The following ITGB2 variants were observed in gnomAD, a reference collection of about 807,000 sequenced individuals.
ITGB2 encodes integrin subunit beta 2.
ITGB2 carries 56 observed loss-of-function variants against 86.8 expected under a neutral mutation model. The ratio of observed to expected loss-of-function variants is 0.65; its 90% CI spans 0.52 to 0.81. The LOEUF is 0.81. ITGB2 is among the 30% of genes least tolerant of loss of function. The probability of loss-of-function intolerance (pLI) is 0.00; values close to 1 mark genes in which losing one functional copy is unlikely to be tolerated. For missense variants in ITGB2, 948 were observed against 1,061.2 expected (o/e 0.89, Z 1.48); for synonymous variants, 457 against 450.4 (o/e 1.01, Z -0.19).
chr21:44,925,804 C>T (rs1007252361), upstream of ITGB2, among the ~76,000 whole-genome samples: 2 of 152,140 alleles, frequency 1.3e-5, no homozygotes, highest in South Asian at 2.1e-4. Flanking sequence ...AGAGGCCGGG[C>T]GCGGGGGCTC....
At chr21:44,894,912 G>T in intron 9 of ITGB2, 59 bp downstream of exon 9, 1 of 1,153,598 alleles carries the variant, frequency 8.7e-7, no homozygotes, top group Non-Finnish European at 1.3e-6. Context: ...GAGCTGACCT[G>T]CAGTGGGGAG....
At chr21:44,907,999 G>T (rs1412115913) in intron 3 of ITGB2, 9 of 713,374 alleles carry the variant, frequency 1.3e-5, no homozygotes, top group Non-Finnish European at 2.4e-5. Context: ...TCACTGAAAG[G>T]TGTTTATTTC....
Position 44,886,809 on chromosome 21 carries a change from G to T in ITGB2, c.2174C>A (p.Ala725Asp), listed in dbSNP as rs2083705533. Residue 725 changes from alanine to aspartate, a missense_variant, in exon 15 of 16, where the codon GCT becomes GAT. Physicochemically the swap from Ala to Asp is moderately radical, Grantham distance 126. Coordinates refer to ENST00000652462, the MANE Select transcript of ITGB2 (RefSeq NM_000211.5). ...IGILLLVIWK[A>D]LIHLSDLREY... The stretch of plus-strand genomic sequence containing the variant: ...CCGGAGGTCGCTCAGGTGGATCAGA[G>T]CCTTCCAGATGACCAGCAGGAGAAT... 6.2e-7 allele frequency: 1 copy of T among 1,613,948 alleles called. No homozygotes were observed. Among genetic ancestry groups the T allele is most frequent in the Non-Finnish European group, 8.5e-7 (1 of 1,180,012 alleles).
chr21:44,924,760 C>T (rs565783594), upstream of ITGB2, among the ~76,000 whole-genome samples: 13 of 152,282 alleles, frequency 8.5e-5, no homozygotes, highest in East Asian at 3.9e-4. Context: ...GCCACACTCA[C>T]GCTACGGGGT....
At position 44,895,048 on chromosome 21, in the gene ITGB2, T is replaced by A; in HGVS notation, c.1006A>T (p.Ile336Phe). The A allele has an allele frequency of 1.2e-6, 2 of 1,613,304 alleles. No homozygotes were observed. Among genetic ancestry groups the A allele is most frequent in the Non-Finnish European group, 1.7e-6 (2 of 1,179,592 alleles). The change falls in exon 9 of 16, where the codon ATC (isoleucine) becomes TTC (phenylalanine). Residue 336 changes from isoleucine (I) to phenylalanine (F), a missense_variant. Coordinates refer to ENST00000652462, the MANE Select transcript of ITGB2 (RefSeq NM_000211.5). ...TCCCCCACGGCTGACTTGGGGATGA[T>A]CTCGGTGAGTTTCTGTTGGGCAAGA... ...MVKTYEKLTE[I>F]IPKSAVGELS...
In ITGB2 at chr21:44,889,466, G is replaced by C. The variant is rs777922680; in HGVS notation, c.1687C>G (p.Arg563Gly). 3.2e-6 allele frequency: 5 copies of C among 1,585,794 alleles called. No homozygotes were observed. The highest frequency in any genetic ancestry group is 1.7e-4 in the Middle Eastern group (1 of 6,002). The change falls in exon 13 of 16, where the codon CGC becomes GGC. Residue 563 changes from arginine (R) to glycine (G), a missense_variant. Arg to Gly is a moderately radical substitution (Grantham distance 125). Transcript: ENST00000652462. ...GAGCCCTCAAAGCCCGGGTGGCAGC[G>C]GCACTTCCCGCAGAAGCAGAGCCCC... ...GRGLCFCGKC[R>G]CHPGFEGSAC... is the part of the protein sequence containing the mutation.
At chr21:44,906,112 G>A (rs539946554) in intron 4 of ITGB2, among the ~76,000 whole-genome samples, 9 of 151,158 alleles carry the variant, frequency 6.0e-5, no homozygotes, top group African/African-American at 2.2e-4. Context: ...CCTGGAGCAA[G>A]GAGGGAGCTT....
intron 3 of ITGB2, among the ~76,000 whole-genome samples, chr21:44,907,732 G>T (rs958698650): frequency 6.6e-6 from 1 of 152,218 alleles, no homozygotes; most frequent in African/African-American, 2.4e-5. Flanking sequence ...GGCCAGAAGC[G>T]CGTGTTTGTG....
At chr21:44,909,138 T>C (rs893440529) in intron 3 of ITGB2, among the ~76,000 whole-genome samples, 2 of 152,126 alleles carry the variant, frequency 1.3e-5, no homozygotes, top group African/African-American at 4.8e-5. Flanking sequence ...GCGGGTGCGA[T>C]TTGATGAGGG....
intron 8 of ITGB2, among the ~76,000 whole-genome samples, chr21:44,896,572 G>T (rs1452890764): frequency 6.7e-6 from 1 of 149,662 alleles, no homozygotes; most frequent in African/African-American, 2.4e-5. Context: ...TCCTGGGGCC[G>T]GTCACAGCCT....
chr21:44,920,959 C>A (rs1468511198), upstream of ITGB2: 1 of 152,396 alleles, frequency 6.6e-6, no homozygotes, highest in Non-Finnish European at 1.5e-5. Context: ...CCTCTCAGCT[C>A]CTCCTTGGAG....
rs1265749759 is a variant in ITGB2 at position 44,895,023 on chromosome 21, TC to T, written c.1030del (p.Glu344SerfsTer35). 1 of 1,612,490 alleles carries T rather than the reference TC, an allele frequency of 6.2e-7. No individual in the cohort carries two copies. The highest frequency in any genetic ancestry group is 8.5e-7 in the Non-Finnish European group (1 of 1,179,542). On this transcript the variant is annotated frameshift_variant, in exon 9 of 16. Coordinates refer to ENST00000652462, the MANE Select transcript of ITGB2 (RefSeq NM_000211.5). LOFTEE classifies it high-confidence loss of function. ...TEIIPKSAVG[E>X]LSEDSSNVVH... ...CACATTGCTGGAGTCCTCAGACAGCTCCCCCACGGCTGACTTGGGGATGATC... is the reference window on the plus strand; with the variant it reads ...CACATTGCTGGAGTCCTCAGACAGCTCCCCACGGCTGACTTGGGGATGATC...
chr21:44,895,158 G>T, intron 8 of ITGB2, 98 bp from the exon 9 acceptor site: 1 of 871,486 alleles, frequency 1.1e-6, no homozygotes, highest in Non-Finnish European at 1.9e-6. Context: ...CCTGCAAAAT[G>T]GCTGGGACGG....
chr21:44,902,808 T>TTGTG (rs34031498), intron 5 of ITGB2, among the ~76,000 whole-genome samples: 5,173 of 151,992 alleles, frequency 0.034, 145 homozygotes, highest in African/African-American at 0.081. Context: ...ATGCATTTGC[T>TTGTG]TGTGTGTGTG....
intron 9 of ITGB2, 31 bp from the exon 10 acceptor site, chr21:44,893,575 C>A: frequency 1.2e-6 from 2 of 1,612,330 alleles, no homozygotes; most frequent in Non-Finnish European, 1.7e-6. Flanking sequence ...CTCTTGGGGG[C>A]GAGTGTTTCT....
intron 1 of ITGB2, among the ~76,000 whole-genome samples, chr21:44,920,239 C>T (rs6518205): frequency 0.23 from 34,454 of 151,868 alleles, 4,060 homozygotes; most frequent in Middle Eastern, 0.31. Context: ...ACCATACATG[C>T]ACACACACAC....
At chr21:44,910,617 T>C (rs1294354782) in intron 2 of ITGB2, 108 bp downstream of exon 2, 2 of 1,441,082 alleles carry the variant, frequency 1.4e-6, no homozygotes, top group Non-Finnish European at 1.9e-6. Flanking sequence ...GGCAAGGTCC[T>C]TCCCCAGCCT....
intron 1 of ITGB2, chr21:44,928,252 G>A (rs2084400656): frequency 6.6e-6 from 1 of 152,256 alleles, no homozygotes; most frequent in South Asian, 2.1e-4. Flanking sequence ...GCTGGGTGGG[G>A]AGTTATGCTG....
chr21:44,900,011 G>A (rs1026261638), intron 7 of ITGB2, among the ~76,000 whole-genome samples: 8 of 152,130 alleles, frequency 5.3e-5, no homozygotes, highest in Non-Finnish European at 1.2e-4. Context: ...GCCTGGGGGC[G>A]GTTACTATAC....
Sources: gnomAD v4.1 joint callset for allele counts (sites outside exome capture counted in the v4.1 genomes callset) on GRCh38, gnomAD v4.1.1 for gene constraint, MANE v1.5 for transcripts, NCBI Gene and HGNC (gene_info 2026-07-23, HGNC 2026-07-21) for gene names.